DSE: variants seen among roughly 807,000 people sequenced by gnomAD.
The protein encoded by DSE is dermatan sulfate epimerase, also known as dermatan-sulfate epimerase.
A neutral mutation model predicts 84.4 loss-of-function variants in DSE; 36 were observed. The observed-to-expected ratio is 0.43, with a 90% CI of 0.33 to 0.56. The LOEUF is 0.56. DSE is among the 20% of genes least tolerant of loss of function. The pLI is 0.06. For synonymous variants in DSE, 410 were observed against 430.1 expected, an observed-to-expected ratio of 0.95 and a Z score of 0.58; for missense variants, 862 against 1,169.6, an observed-to-expected ratio of 0.74 and a Z score of 3.84.
chr6:116,351,437 A>T (rs763667901), intron 2 of DSE, among the ~76,000 whole-genome samples: 1 of 152,192 alleles, frequency 6.6e-6, no homozygotes, highest in South Asian at 2.1e-4. Context: ...AAGTATGCTA[A>T]TAAGTTGTAA....
intron 2 of DSE, among the ~76,000 whole-genome samples, chr6:116,408,819 T>C (rs572203347): frequency 1.1e-4 from 16 of 152,348 alleles, no homozygotes; most frequent in Admixed American, 1.0e-3. Flanking sequence ...TTCATCTTCT[T>C]ACATGCATGT....
intron 2 of DSE, among the ~76,000 whole-genome samples, chr6:116,418,531 CTGAGCAACCACA>C (rs1171898234): frequency 1.3e-5 from 2 of 152,156 alleles, no homozygotes; most frequent in Non-Finnish European, 2.9e-5. Flanking sequence ...TGGGTGGGCC[CTGAGCAACCACA>C]TGAGCACAGA....
intron 1 of DSE, among the ~76,000 whole-genome samples, chr6:116,395,762 T>C (rs1330611619): frequency 1.3e-5 from 2 of 152,206 alleles, no homozygotes; most frequent in South Asian, 2.1e-4. Context: ...TAATTTTGGC[T>C]CTTCTCTTTG....
At chr6:116,339,128 C>T (rs1028566117) in intron 2 of DSE, among the ~76,000 whole-genome samples, 1 of 152,162 alleles carries the variant, frequency 6.6e-6, no homozygotes, top group African/African-American at 2.4e-5. Context: ...TCCTCCACCC[C>T]AGTCCTGTCC....
intron 2 of DSE, among the ~76,000 whole-genome samples, chr6:116,407,357 CT>C (rs1365373661): frequency 6.6e-6 from 1 of 152,122 alleles, no homozygotes; most frequent in African/African-American, 2.4e-5. Context: ...AGATGGTTCA[CT>C]TTTTTACATG....
intron 5 of DSE, among the ~76,000 whole-genome samples, chr6:116,434,391 A>T (rs906286075): frequency 2.6e-5 from 4 of 152,162 alleles, no homozygotes; most frequent in Non-Finnish European, 4.4e-5. Context: ...GGAGGAAAAA[A>T]TATTAGTAAA....
intron 2 of DSE, among the ~76,000 whole-genome samples, chr6:116,329,030 T>C (rs118097029): frequency 0.012 from 1,868 of 152,320 alleles, 15 homozygotes; most frequent in Non-Finnish European, 0.019. Flanking sequence ...CTACTCCTCT[T>C]TGAAAAATAA....
At chr6:116,280,296 G>A in intron 2 of DSE, 1 of 219,518 alleles carries the variant, frequency 4.6e-6, no homozygotes, top group Non-Finnish European at 9.4e-6. Context: ...GTAACTAGCA[G>A]CAAAAGACTT....
At chr6:116,281,251 G>A (rs1318539489) in intron 2 of DSE, among the ~76,000 whole-genome samples, 3 of 152,090 alleles carry the variant, frequency 2.0e-5, no homozygotes, top group Non-Finnish European at 4.4e-5. Context: ...AATAAAGGCA[G>A]CCTCTAGAAG....
chr6:116,261,439 A>G (rs930999107), intron 2 of DSE, among the ~76,000 whole-genome samples: 6 of 152,036 alleles, frequency 3.9e-5, no homozygotes, highest in African/African-American at 1.5e-4. Flanking sequence ...GGTGTGTAGG[A>G]ATGCTAGTGA....
chr6:116,321,279 T>C (rs1776292397), intron 2 of DSE, among the ~76,000 whole-genome samples: 5 of 152,280 alleles, frequency 3.3e-5, no homozygotes. Flanking sequence ...GCTCAAGTGA[T>C]CCTCCTCTTG....
At chr6:116,281,987 ATAATT>A (rs1773572152) in intron 2 of DSE, among the ~76,000 whole-genome samples, 1 of 152,266 alleles carries the variant, frequency 6.6e-6, no homozygotes, top group African/African-American at 2.4e-5. Context: ...TATTTTACAA[ATAATT>A]TAAGTTTGTG....
At chr6:116,264,824 G>C (rs1455698968) in intron 2 of DSE, among the ~76,000 whole-genome samples, 8 of 152,140 alleles carry the variant, frequency 5.3e-5, no homozygotes, top group Admixed American at 3.3e-4. Flanking sequence ...TGTGTTTCTG[G>C]AAGATTTTTA....
Position 116,435,631 on chromosome 6 carries a change from C to A in DSE, c.1163C>A (p.Thr388Asn), listed in dbSNP as rs1308643814. The A allele has an allele frequency of 4.3e-6, 7 of 1,612,778 alleles. No individual in the cohort carries two copies. The highest frequency in any genetic ancestry group is 4.2e-6 in the Non-Finnish European group (5 of 1,179,164). ...LKSVPPPDFG[T>N]PTLHYFEDWG... ...TCGGTTCCTCCTCCAGACTTTGGCA[C>A]CCCTACACTGCATTATTTTGAAGAC... The change falls in exon 6 of 6, where the codon ACC becomes AAC. Residue 388 changes from threonine to asparagine, a missense_variant. Thr to Asn is a moderately conservative substitution (Grantham distance 65). This residue lies in a region of DSE where 309 missense variants were observed against 516.9 expected (regional missense o/e 0.60). Coordinates refer to ENST00000644252, the MANE Select transcript of DSE (RefSeq NM_013352.4).
At chr6:116,397,551 G>T (rs188903986) in intron 1 of DSE, among the ~76,000 whole-genome samples, 15 of 152,184 alleles carry the variant, frequency 9.9e-5, no homozygotes, top group Admixed American at 8.5e-4. Flanking sequence ...CCCCTGGGGG[G>T]ACTGAGCATT....
intron 2 of DSE, among the ~76,000 whole-genome samples, chr6:116,268,236 T>C (rs76749288): frequency 6.6e-6 from 1 of 152,196 alleles, no homozygotes; most frequent in African/African-American, 2.4e-5. Context: ...ACACAACATA[T>C]GTTAGATATG....
chr6:116,317,681 A>C (rs538925501), intron 2 of DSE, among the ~76,000 whole-genome samples: 3 of 152,350 alleles, frequency 2.0e-5, no homozygotes, highest in African/African-American at 7.2e-5. Context: ...AGAAACATAA[A>C]CTTATTCAAC....
chr6:116,387,318 G>A (rs189297319), intron 1 of DSE, among the ~76,000 whole-genome samples: 2 of 152,240 alleles, frequency 1.3e-5, no homozygotes, highest in African/African-American at 4.8e-5. Context: ...GCATGACTTT[G>A]GTGAGAAAAT....
At chr6:116,325,228 G>A (rs1562231104) in intron 2 of DSE, among the ~76,000 whole-genome samples, 1 of 152,222 alleles carries the variant, frequency 6.6e-6, no homozygotes, top group South Asian at 2.1e-4. Flanking sequence ...GAGACTCATG[G>A]TTGCCTAAAT....
Sources: gnomAD v4.1 joint callset for allele counts (sites outside exome capture counted in the v4.1 genomes callset) on GRCh38, gnomAD v4.1.1 for gene constraint, gnomAD v4.1.1 regional missense constraint, MANE v1.5 for transcripts, NCBI Gene and HGNC (gene_info 2026-07-23, HGNC 2026-07-21) for gene names.